The following CSMD1 variants were observed in gnomAD, a reference collection of about 807,000 sequenced individuals.
The protein encoded by CSMD1 is CUB and sushi domain-containing protein 1.
A neutral mutation model predicts 417.5 loss-of-function variants in CSMD1; 213 were observed. The observed-to-expected ratio is 0.51, with a 90% CI of 0.46 to 0.57. The LOEUF (loss-of-function observed/expected upper bound fraction) is 0.57. Ranked by LOEUF, CSMD1 falls within the 20% of genes least tolerant of loss-of-function variation. The pLI is 0.00. For missense variants in CSMD1, 6,923 were observed against 4,529.7 expected, an observed-to-expected ratio of 1.53 and a Z score of -15.17; for synonymous variants, 2,862 against 1,736.8, an observed-to-expected ratio of 1.65 and a Z score of -16.11.
At chr8:3,725,467 G>A (rs1168581317) in intron 6 of CSMD1, among the ~76,000 whole-genome samples, 1 of 152,202 alleles carries the variant, frequency 6.6e-6, no homozygotes, top group Non-Finnish European at 1.5e-5. Flanking sequence ...GGCCAAAGGA[G>A]AAATACCGGT....
At position 3,762,966 on chromosome 8, in the gene CSMD1, C is replaced by G. The variant is rs112463213; in HGVS notation, c.819-8924G>C. On this transcript the variant is annotated intron_variant, in intron 5 of 69. Coordinates refer to ENST00000635120, the MANE Select transcript of CSMD1 (RefSeq NM_033225.6). ...TTTCTGCTCATCCCCCAACTCTCTTCAGATCTCACCATGACATTTGGTGTA... is the reference window on the plus strand; with the variant it reads ...TTTCTGCTCATCCCCCAACTCTCTTGAGATCTCACCATGACATTTGGTGTA... Among the ~76,000 whole-genome samples the G allele has an allele frequency of 4.9e-3, 742 of 152,308 alleles. 10 individuals carry two copies. The highest frequency in any genetic ancestry group is 0.017 in the African/African-American group (703 of 41,568).
intron 10 of CSMD1, among the ~76,000 whole-genome samples, chr8:3,520,261 C>A (rs1797452728): frequency 6.6e-6 from 1 of 151,884 alleles, no homozygotes. Flanking sequence ...GAGGAAGCAC[C>A]ATACCAAACT....
chr8:4,145,718 T>A (rs1034345630), intron 3 of CSMD1, among the ~76,000 whole-genome samples: 1 of 150,972 alleles, frequency 6.6e-6, no homozygotes, highest in Non-Finnish European at 1.5e-5. Context: ...GAAGAACATA[T>A]ATTTGACTTG....
chr8:3,999,394 T>C (rs1222271907), intron 4 of CSMD1, among the ~76,000 whole-genome samples: 2 of 152,194 alleles, frequency 1.3e-5, no homozygotes, highest in Non-Finnish European at 2.9e-5. Flanking sequence ...AATGACCTCC[T>C]TTTATTAACT....
chr8:3,105,875 C>A (rs918196205), intron 46 of CSMD1, among the ~76,000 whole-genome samples: 10 of 152,230 alleles, frequency 6.6e-5, no homozygotes, highest in Admixed American at 2.6e-4. Flanking sequence ...GTTTTCATAG[C>A]GGAAGCTAGG....
chr8:3,445,002 C>G (rs1280905505), intron 12 of CSMD1, among the ~76,000 whole-genome samples: 1 of 152,196 alleles, frequency 6.6e-6, no homozygotes, highest in East Asian at 1.9e-4. Context: ...CTGTCCAAGC[C>G]TCTTTATCCA....
chr8:3,757,972 T>C (rs1432296842), intron 5 of CSMD1, among the ~76,000 whole-genome samples: 1 of 152,050 alleles, frequency 6.6e-6, no homozygotes, highest in Non-Finnish European at 1.5e-5. Context: ...CCTGCACAAA[T>C]TCCTTTTATT....
chr8:4,639,093 C>G (rs1390197010), intron 1 of CSMD1, among the ~76,000 whole-genome samples: 1 of 152,130 alleles, frequency 6.6e-6, no homozygotes, highest in Non-Finnish European at 1.5e-5. Context: ...CCTGCCTTGT[C>G]AGCCTCACCG....
intron 1 of CSMD1, among the ~76,000 whole-genome samples, chr8:4,769,999 T>C (rs1350648025): frequency 6.6e-6 from 1 of 152,010 alleles, no homozygotes; most frequent in African/African-American, 2.4e-5. Flanking sequence ...CTCCCTCCCT[T>C]TTTGCAGAAA....
intron 2 of CSMD1, among the ~76,000 whole-genome samples, chr8:4,517,269 G>C (rs1438435720): frequency 6.6e-6 from 1 of 152,156 alleles, no homozygotes; most frequent in Non-Finnish European, 1.5e-5. Flanking sequence ...AGTAATTTTA[G>C]ACTAACGTAG....
chr8:4,982,756 C>T (rs1232311068), intron 1 of CSMD1, among the ~76,000 whole-genome samples: 1 of 152,154 alleles, frequency 6.6e-6, no homozygotes, highest in Non-Finnish European at 1.5e-5. Context: ...AGATCATACC[C>T]CAAAGTTCGG....
At chr8:3,439,519 G>GTGTC (rs1814832835) in intron 12 of CSMD1, among the ~76,000 whole-genome samples, 1 of 150,538 alleles carries the variant, frequency 6.6e-6, no homozygotes, top group African/African-American at 2.4e-5. Context: ...GTGTGTGTGT[G>GTGTC]TGTAATTGTA....
chr8:3,429,603 C>A (rs1228567264), intron 12 of CSMD1, among the ~76,000 whole-genome samples: 1 of 152,172 alleles, frequency 6.6e-6, no homozygotes, highest in Non-Finnish European at 1.5e-5. Context: ...TGTTCAATAT[C>A]TTGACGAGGG....
chr8:3,828,065 G>A (rs181109896), intron 5 of CSMD1, among the ~76,000 whole-genome samples: 3 of 152,146 alleles, frequency 2.0e-5, no homozygotes, highest in African/African-American at 7.2e-5. Context: ...TGAGCAAAAA[G>A]TTATGCCACA....
At chr8:3,216,677 T>A (rs943857531) in intron 29 of CSMD1, among the ~76,000 whole-genome samples, 1 of 152,240 alleles carries the variant, frequency 6.6e-6, no homozygotes, top group African/African-American at 2.4e-5. Context: ...TGCTTACAAT[T>A]TGCCAGGCTT....
intron 50 of CSMD1, among the ~76,000 whole-genome samples, chr8:3,039,114 C>T (rs1376888827): frequency 6.6e-6 from 1 of 152,082 alleles, no homozygotes; most frequent in South Asian, 2.1e-4. Context: ...GGTGGTTGGC[C>T]ATTGCTGTAA....
intron 3 of CSMD1, among the ~76,000 whole-genome samples, chr8:4,324,932 C>T (rs765655778): frequency 1.3e-5 from 2 of 152,090 alleles, no homozygotes; most frequent in African/African-American, 2.4e-5. Context: ...GGCCTCTTCA[C>T]GGGAAGGAGG....
At chr8:3,112,006 T>C (rs1460111047) in intron 42 of CSMD1, among the ~76,000 whole-genome samples, 1 of 151,864 alleles carries the variant, frequency 6.6e-6, no homozygotes, top group African/African-American at 2.4e-5. Flanking sequence ...CTCAACTCCT[T>C]GTCACCGCTT....
At chr8:4,445,737 T>G (rs572619237) in intron 2 of CSMD1, among the ~76,000 whole-genome samples, 2 of 152,136 alleles carry the variant, frequency 1.3e-5, no homozygotes, top group Non-Finnish European at 2.9e-5. Flanking sequence ...TTGCATTAAG[T>G]ATCCAATAAT....
Sources: allele counts gnomAD v4.1 joint callset (sites outside exome capture counted in the v4.1 genomes callset), GRCh38; gene constraint gnomAD v4.1.1; transcripts MANE v1.5; gene names NCBI Gene and HGNC (gene_info 2026-07-23, HGNC 2026-07-21).